LAMP2: variants seen among roughly 807,000 people sequenced by gnomAD.
LAMP2 encodes lysosome-associated membrane glycoprotein 2.
Under a neutral mutation model 25.6 loss-of-function variants are expected in LAMP2, and 4 were observed. The observed-to-expected ratio is 0.16, with a 90% confidence interval of 0.08 to 0.36. The LOEUF (loss-of-function observed/expected upper bound fraction) is 0.36. Among genes scored for constraint, LAMP2 ranks in the 10% least tolerant of loss-of-function variants. LAMP2 has a pLI of 1.00. For synonymous variants in LAMP2, 108 were observed against 112.7 expected, an observed-to-expected ratio of 0.96 and a Z score of 0.27; for missense variants, 272 against 301.4, an observed-to-expected ratio of 0.90 and a Z score of 0.72.
Position 120,469,112 on chromosome X carries a change from C to A in LAMP2, c.58G>T (p.Val20Phe). 2 of 1,211,948 alleles carry A rather than the reference C, an allele frequency of 1.7e-6. No homozygotes were observed. The highest frequency in any genetic ancestry group is 3.4e-5 in the African/African-American group (2 of 57,971). The change falls in exon 1 of 9, where the codon GTC becomes TTC. Residue 20 changes from valine (V) to phenylalanine (F), a missense_variant. Coordinates refer to ENST00000200639, the MANE Select transcript of LAMP2 (RefSeq NM_002294.3). Reference sequence around the variant, plus strand: ...GGAGGGCCCGACAACTCACCCAGGACTAGGCAGACCAGAACGAGCCCTGAG... The same window carrying A: ...GGAGGGCCCGACAACTCACCCAGGAATAGGCAGACCAGAACGAGCCCTGAG... ...PGSGLVLVCL[V>F]LGAVRSYALE...
chrX:120,436,423 A>G (rs2058544956), intron 8 of LAMP2: 5 of 642,528 alleles, frequency 7.8e-6, no homozygotes, highest in South Asian at 1.6e-4. Context: ...AAGTTTTTCC[A>G]TTTGAAAGAA....
chrX:120,437,123 T>C, intron 8 of LAMP2: 7 of 746,743 alleles, frequency 9.4e-6, no homozygotes, highest in Non-Finnish European at 1.1e-5. Context: ...AAGCTGGTAA[T>C]GCAGCTCGCT....
chrX:120,440,275 G>A (rs1185721252), intron 8 of LAMP2, among the ~76,000 whole-genome samples: 1 of 111,688 alleles, frequency 9.0e-6, no homozygotes, highest in Non-Finnish European at 1.9e-5. Context: ...TAATTTGAGC[G>A]TGCTTACTGC....
At chrX:120,457,922 C>T (rs910984758) in intron 1 of LAMP2, among the ~76,000 whole-genome samples, 2 of 112,299 alleles carry the variant, frequency 1.8e-5, no homozygotes. Flanking sequence ...GCCTCAGCAA[C>T]AGCTTTCAAG....
At chrX:120,459,228 T>C (rs1001394228) in intron 1 of LAMP2, among the ~76,000 whole-genome samples, 1 of 112,160 alleles carries the variant, frequency 8.9e-6, no homozygotes, top group Non-Finnish European at 1.9e-5. Context: ...ACCTCAAAGA[T>C]GGATTTTGCT....
At chrX:120,442,568 G>T in intron 7 of LAMP2, 31 bp downstream of exon 7, 1 of 1,132,249 alleles carries the variant, frequency 8.8e-7, no homozygotes, top group South Asian at 1.8e-5. Context: ...GTAATCCACA[G>T]TCTTTTTCCC....
chrX:120,462,908 TA>T (rs1390564962), intron 1 of LAMP2, among the ~76,000 whole-genome samples: 1 of 112,114 alleles, frequency 8.9e-6, no homozygotes, highest in Admixed American at 9.5e-5. Flanking sequence ...CCTTCAGAGC[TA>T]AAAGAAATTT....
intron 8 of LAMP2, chrX:120,438,728 AC>A (rs774013302): frequency 0.018 from 13,931 of 786,381 alleles, 89 homozygotes; most frequent in South Asian, 0.025. Flanking sequence ...ACACACACAC[AC>A]ACAAAAAGAG....
chrX:120,441,964 C>A, intron 7 of LAMP2, 70 bp from the exon 8 acceptor site: 1 of 953,028 alleles, frequency 1.0e-6, no homozygotes. Flanking sequence ...GTTGGCCAGG[C>A]ACAGTGGCTC....
chrX:120,459,563 C>T (rs1287241960), intron 1 of LAMP2, among the ~76,000 whole-genome samples: 1 of 112,641 alleles, frequency 8.9e-6, no homozygotes, highest in Non-Finnish European at 1.9e-5. Context: ...AGTTCAGCAG[C>T]ATGATCTGGG....
rs771058435 is a variant in LAMP2, at chrX:120,428,969, T to C, written c.*2354A>G. The stretch of plus-strand genomic sequence containing the variant: ...CCACTGCCTGTGTATTTCCCTACTC[T>C]CTTTCTCTTCGTCACACCTATAATT... On this transcript the variant is annotated 3_prime_UTR_variant, in exon 9 of 9. Coordinates refer to ENST00000200639, the MANE Select transcript of LAMP2 (RefSeq NM_002294.3). 1 of 708,949 alleles carries C rather than the reference T, an allele frequency of 1.4e-6. No homozygotes were observed. Among genetic ancestry groups the C allele is most frequent in the South Asian group, 7.3e-5 (1 of 13,629 alleles). The allele number at this position is 708,949 out of a possible 1,213,427, so 58.4% of individuals were successfully genotyped here.
chrX:120,449,693 T>G (rs2058613398), intron 3 of LAMP2, among the ~76,000 whole-genome samples: 1 of 112,654 alleles, frequency 8.9e-6, no homozygotes, highest in African/African-American at 3.2e-5. Context: ...TGATCATACT[T>G]TGAAGCATCT....
intron 1 of LAMP2, 138 bp from the exon 2 acceptor site, chrX:120,456,907 C>T (rs968933936): frequency 1.1e-4 from 41 of 368,329 alleles, no homozygotes; most frequent in Non-Finnish European, 2.0e-4. Context: ...TATACACATA[C>T]ATATATATAC....
chrX:120,437,598 G>C, intron 8 of LAMP2: 2 of 748,296 alleles, frequency 2.7e-6, no homozygotes, highest in Non-Finnish European at 3.2e-6. Context: ...TAAACATTAG[G>C]TGGTACACGG....
Position 120,429,129 on chromosome X carries a change from T to C in LAMP2, c.*2194A>G. 1.6e-6 allele frequency: 1 copy of C among 636,151 alleles called. No individual in the cohort carries two copies. Among genetic ancestry groups the C allele is most frequent in the Non-Finnish European group, 1.9e-6 (1 of 535,629 alleles). 52.4% of individuals were successfully genotyped at this position (636,151 alleles called of 1,213,427 possible). On this transcript the variant is annotated 3_prime_UTR_variant, in exon 9 of 9. Transcript: ENST00000200639. ...ATATATATGTATATGTGTATATATA[T>C]GTGTGTGTGTATATATATGTGTGTG...
chrX:120,465,235 T>C (rs1055880612), intron 1 of LAMP2, among the ~76,000 whole-genome samples: 2 of 108,786 alleles, frequency 1.8e-5, no homozygotes, highest in Non-Finnish European at 1.9e-5. Context: ...CTCCTACCAG[T>C]AACATACACT....
chrX:120,465,367 T>A (rs1471034922), intron 1 of LAMP2, among the ~76,000 whole-genome samples: 1 of 109,364 alleles, frequency 9.1e-6, no homozygotes, highest in Non-Finnish European at 1.9e-5. Flanking sequence ...GTTATAAGAA[T>A]CAATAACCAC....
intron 3 of LAMP2, among the ~76,000 whole-genome samples, chrX:120,454,933 G>GAA (rs2058638085): frequency 2.0e-5 from 1 of 50,367 alleles, no homozygotes; most frequent in African/African-American, 8.3e-5. Flanking sequence ...ACACACACTA[G>GAA]GATATATATA....
chrX:120,430,018 T>C lies in LAMP2; in HGVS notation c.*1305A>G, dbSNP rs1215694016. 2 of 752,949 alleles carry C rather than the reference T, an allele frequency of 2.7e-6. No individual in the cohort carries two copies. The highest frequency in any genetic ancestry group is 2.3e-5 in the African/African-American group (1 of 43,445). 62.1% of individuals were successfully genotyped at this position (752,949 alleles called of 1,213,427 possible). ...ATCTCAGTAACCACACATTAGCCTA[T>C]GCTGAAAGAATTTACTATATTTTAC... On this transcript the variant is annotated 3_prime_UTR_variant, in exon 9 of 9. Coordinates refer to ENST00000200639, the MANE Select transcript of LAMP2 (RefSeq NM_002294.3).
Sources: gnomAD v4.1 joint callset for allele counts (sites outside exome capture counted in the v4.1 genomes callset) on GRCh38, gnomAD v4.1.1 for gene constraint, MANE v1.5 for transcripts, NCBI Gene and HGNC (gene_info 2026-07-23, HGNC 2026-07-21) for gene names.